EFCAB11: variants seen among roughly 807,000 people sequenced by gnomAD.
EFCAB11 encodes the protein EF-hand calcium-binding domain-containing protein 11.
A neutral mutation model predicts 23.0 loss-of-function variants in EFCAB11; 14 were observed. The ratio of observed to expected loss-of-function variants is 0.61; its 90% CI spans 0.40 to 0.95. The LOEUF is 0.95. Among genes scored for constraint, EFCAB11 ranks in the 40% least tolerant of loss-of-function variants. The pLI is 0.00. For missense variants in EFCAB11, 198 were observed against 195.8 expected (o/e 1.01, Z -0.07); for synonymous variants, 65 against 66.6 (o/e 0.98, Z 0.11).
At chr14:89,806,197 A>G (rs937537483) in intron 5 of EFCAB11, among the ~76,000 whole-genome samples, 2 of 152,196 alleles carry the variant, frequency 1.3e-5, no homozygotes, top group African/African-American at 4.8e-5. Context: ...ATAATGACTC[A>G]CTTTTTCCTA....
intron 5 of EFCAB11, among the ~76,000 whole-genome samples, chr14:89,881,466 T>TATATATATATATATATATATATATA (rs10524743): frequency 7.8e-4 from 95 of 122,136 alleles, no homozygotes; most frequent in Non-Finnish European, 9.6e-4. Flanking sequence ...TATATATATA[T>TATATATATATATATATATATATATA]TCTTTTTTTT....
rs753375867 is a variant in EFCAB11 at position 89,836,060 on chromosome 14, G to A, written c.411-38736C>T. 7.2e-5 allele frequency among the ~76,000 whole-genome samples: 11 copies of A among 152,236 alleles called. No homozygotes were observed. In the South Asian group the frequency reaches 1.2e-3, roughly 17 times the overall value. On this transcript the variant is annotated intron_variant, in intron 5 of 5. Transcript: ENST00000316738. ...TAAACAAGGGTGCTAGGAAGTTGAC[G>A]GCATTGCTAGGAGTATGAGGGGCCA... is the stretch of plus-strand genomic sequence containing the variant.
intron 5 of EFCAB11, among the ~76,000 whole-genome samples, chr14:89,896,048 C>A (rs978815878): frequency 2.0e-5 from 3 of 152,130 alleles, no homozygotes; most frequent in Admixed American, 6.5e-5. Context: ...TAATACAAAT[C>A]AAGCCGACAA....
chr14:89,817,270 C>T (rs962971540), intron 5 of EFCAB11, among the ~76,000 whole-genome samples: 12 of 152,130 alleles, frequency 7.9e-5, no homozygotes, highest in Non-Finnish European at 1.8e-4. Context: ...AACCCCAGTG[C>T]TTTGGGAGGC....
chr14:89,933,250 G>A (rs1192978840), intron 3 of EFCAB11, among the ~76,000 whole-genome samples: 6 of 152,222 alleles, frequency 3.9e-5, no homozygotes, highest in African/African-American at 7.2e-5. Context: ...ATGATAAAAT[G>A]AGATTGGATA....
chr14:89,872,173 C>T (rs1475756096), intron 5 of EFCAB11, among the ~76,000 whole-genome samples: 2 of 152,176 alleles, frequency 1.3e-5, no homozygotes, highest in African/African-American at 2.4e-5. Flanking sequence ...GAACAAGATG[C>T]CTTCTCATAT....
At chr14:89,834,311 G>A (rs1008585635) in intron 5 of EFCAB11, among the ~76,000 whole-genome samples, 6 of 137,024 alleles carry the variant, frequency 4.4e-5, no homozygotes. Context: ...AGGAGGCGGA[G>A]GTTGCAGCGA....
chr14:89,828,969 C>T (rs1161008221), intron 5 of EFCAB11, among the ~76,000 whole-genome samples: 1 of 152,176 alleles, frequency 6.6e-6, no homozygotes, highest in Non-Finnish European at 1.5e-5. Context: ...ACCCATGGAG[C>T]AGTTAAAGCT....
chr14:89,864,331 C>T (rs1888019513), intron 5 of EFCAB11, among the ~76,000 whole-genome samples: 2 of 152,216 alleles, frequency 1.3e-5, no homozygotes, highest in South Asian at 4.1e-4. Context: ...GTTGGATGGC[C>T]TGACGGTCTA....
chr14:89,931,309 T>C, intron 5 of EFCAB11: 1 of 489,488 alleles, frequency 2.0e-6, no homozygotes. Flanking sequence ...AGTGCTTGTA[T>C]GCACCTGCCT....
At position 89,877,762 on chromosome 14, in the gene EFCAB11, G is replaced by C. The variant is rs1252460772; in HGVS notation, c.410+53779C>G. Among the ~76,000 whole-genome samples, 5 of 152,266 alleles carry C rather than the reference G, an allele frequency of 3.3e-5. No individual in the cohort carries two copies. The East Asian group carries it at 9.6e-4, about 29-fold the overall frequency. ...TTTTAATTAAAAGCACTCAGCTTTA[G>C]CAATGGGTAAATCCTAAATACAAAT... On this transcript the variant is annotated intron_variant, in intron 5 of 5. Coordinates refer to ENST00000316738, the MANE Select transcript of EFCAB11 (RefSeq NM_145231.4).
intron 5 of EFCAB11, among the ~76,000 whole-genome samples, chr14:89,817,133 A>G (rs1461935820): frequency 6.6e-6 from 1 of 152,116 alleles, no homozygotes; most frequent in Non-Finnish European, 1.5e-5. Context: ...AGGATATTTT[A>G]TTATGTAAAA....
chr14:89,874,044 G>A (rs1269468988), intron 5 of EFCAB11, among the ~76,000 whole-genome samples: 1 of 152,164 alleles, frequency 6.6e-6, no homozygotes, highest in Non-Finnish European at 1.5e-5. Context: ...CTCCATGAGG[G>A]CTCTACCCCT....
At chr14:89,809,013 C>A (rs946117113) in intron 5 of EFCAB11, among the ~76,000 whole-genome samples, 1 of 152,188 alleles carries the variant, frequency 6.6e-6, no homozygotes, top group African/African-American at 2.4e-5. Context: ...TGTTTTCTAT[C>A]CCTGCATTAA....
At chr14:89,891,885 C>T (rs1289233897) in intron 5 of EFCAB11, among the ~76,000 whole-genome samples, 1 of 151,992 alleles carries the variant, frequency 6.6e-6, no homozygotes, top group Non-Finnish European at 1.5e-5. Context: ...AGCTACGTGG[C>T]GGGCGCGCCT....
At chr14:89,948,973 CA>C (rs928062018) in intron 3 of EFCAB11, among the ~76,000 whole-genome samples, 1 of 151,170 alleles carries the variant, frequency 6.6e-6, no homozygotes, top group Non-Finnish European at 1.5e-5. Flanking sequence ...AAAAAATAAC[CA>C]AAAGAGTATA....
intron 3 of EFCAB11, among the ~76,000 whole-genome samples, chr14:89,936,615 C>A (rs769969310): frequency 5.9e-5 from 9 of 152,214 alleles, no homozygotes; most frequent in Admixed American, 1.3e-4. Context: ...CCCCTCCCTT[C>A]TATGCCTTTA....
chr14:89,832,789 A>G (rs940729647), intron 5 of EFCAB11, among the ~76,000 whole-genome samples: 1 of 152,226 alleles, frequency 6.6e-6, no homozygotes, highest in African/African-American at 2.4e-5. Context: ...ACTGAAAATG[A>G]AAAACAGAAA....
chr14:89,862,359 T>G (rs192489155), intron 5 of EFCAB11, among the ~76,000 whole-genome samples: 1 of 152,306 alleles, frequency 6.6e-6, no homozygotes, highest in African/African-American at 2.4e-5. Context: ...TTTTAAACAT[T>G]TTTGTTAGTT....
Sources: gnomAD v4.1 joint callset for allele counts (sites outside exome capture counted in the v4.1 genomes callset) on GRCh38, gnomAD v4.1.1 for gene constraint, MANE v1.5 for transcripts, NCBI Gene and HGNC (gene_info 2026-07-23, HGNC 2026-07-21) for gene names.